COG5: variants seen among roughly 807,000 people sequenced by gnomAD.
COG5 encodes the protein conserved oligomeric Golgi complex subunit 5.
A neutral mutation model predicts 110.4 loss-of-function variants in COG5; 86 were observed. That is an observed-to-expected ratio of 0.78 (90% CI 0.65 to 0.93). The LOEUF (loss-of-function observed/expected upper bound fraction) is 0.93, where lower values mean the gene tolerates loss of function less well. Ranked by LOEUF, COG5 falls within the 40% of genes least tolerant of loss-of-function variation. The probability of loss-of-function intolerance (pLI) is 0.00; values close to 1 mark genes in which losing one functional copy is unlikely to be tolerated. For missense variants in COG5, 1,077 were observed against 987.0 expected (o/e 1.09, Z -1.22); for synonymous variants, 360 against 334.6 (o/e 1.08, Z -0.83).
intron 11 of COG5, among the ~76,000 whole-genome samples, chr7:107,308,106 T>G (rs945517825): frequency 3.9e-5 from 6 of 152,182 alleles, no homozygotes; most frequent in Non-Finnish European, 7.4e-5. Flanking sequence ...CATTTTATTC[T>G]TTTTCATTAT....
chr7:107,482,493 T>A (rs2129121612), intron 6 of COG5, among the ~76,000 whole-genome samples: 1 of 152,184 alleles, frequency 6.6e-6, no homozygotes, highest in East Asian at 1.9e-4. Flanking sequence ...TGCTGACGTT[T>A]AACAATTACT....
chr7:107,473,046 T>C (rs948942220), intron 6 of COG5: 6 of 151,794 alleles, frequency 4.0e-5, no homozygotes, highest in African/African-American at 1.4e-4. Context: ...TCTTCAAAAT[T>C]AGACAATGGG....
At chr7:107,410,315 C>G (rs942242177) in intron 7 of COG5, among the ~76,000 whole-genome samples, 3 of 152,082 alleles carry the variant, frequency 2.0e-5, no homozygotes, top group Non-Finnish European at 2.9e-5. Flanking sequence ...AGAGACACAT[C>G]TTTGATCAAT....
chr7:107,554,454 C>G (rs1213965679), intron 2 of COG5, 112 bp from the exon 3 acceptor site: 1 of 933,866 alleles, frequency 1.1e-6, no homozygotes, highest in African/African-American at 1.7e-5. Flanking sequence ...AATACAAATA[C>G]AAAAGAAAAA....
intron 6 of COG5, among the ~76,000 whole-genome samples, chr7:107,511,655 T>C (rs1799523831): frequency 6.6e-6 from 1 of 152,204 alleles, no homozygotes; most frequent in African/African-American, 2.4e-5. Context: ...AATACAATAC[T>C]GGCAAACCGA....
At chr7:107,294,953 A>C (rs1332317881) in intron 12 of COG5, among the ~76,000 whole-genome samples, 2 of 90,448 alleles carry the variant, frequency 2.2e-5, no homozygotes, top group Admixed American at 2.2e-4. Context: ...ACACACACAT[A>C]TATATATACA....
At position 107,474,552 on chromosome 7, in the gene COG5, T is replaced by C; in HGVS notation, c.538+52685A>G. On this transcript the variant is annotated intron_variant, in intron 6 of 21. Coordinates refer to ENST00000297135, the MANE Select transcript of COG5 (RefSeq NM_006348.5). This position sits in a 1 kb window ranked among gnomAD's most constrained non-coding sequence, Gnocchi z 5.7. ...GAGCTGTAATGTTAATGATATCCATTTGGATTTTTTCTTTTTTCTCTTTCC... is the reference window on the plus strand; with the variant it reads ...GAGCTGTAATGTTAATGATATCCATCTGGATTTTTTCTTTTTTCTCTTTCC... 1.2e-6 allele frequency: 2 copies of C among 1,611,140 alleles called. No homozygotes were observed. Among genetic ancestry groups the C allele is most frequent in the Non-Finnish European group, 1.7e-6 (2 of 1,178,470 alleles).
chr7:107,389,909 A>G (rs1191018559), intron 7 of COG5, among the ~76,000 whole-genome samples: 1 of 152,056 alleles, frequency 6.6e-6, no homozygotes, highest in African/African-American at 2.4e-5. Flanking sequence ...ATTCACAATC[A>G]CACTCATCAG....
At chr7:107,417,597 G>A (rs912216442) in intron 6 of COG5, among the ~76,000 whole-genome samples, 2 of 152,024 alleles carry the variant, frequency 1.3e-5, no homozygotes, top group African/African-American at 2.4e-5. Flanking sequence ...AAAGTAACAC[G>A]TTAGCTTCTT....
Position 107,442,336 on chromosome 7 carries a change from A to C in COG5, c.539-29704T>G, listed in dbSNP as rs146506094. ...AAGCAGAAGAATGTACAGCCTGCAG[A>C]ACCAGGAGCTAATTAAATCTCCTTA... On this transcript the variant is annotated intron_variant, in intron 6 of 21. Transcript: ENST00000297135. Among the ~76,000 whole-genome samples the C allele has an allele frequency of 7.2e-4, 109 of 152,304 alleles. 2 individuals carry two copies. In the East Asian group the frequency reaches 0.021, roughly 29 times the overall value.
chr7:107,409,777 G>A (rs952821610), intron 7 of COG5, among the ~76,000 whole-genome samples: 4 of 152,148 alleles, frequency 2.6e-5, no homozygotes, highest in Admixed American at 2.6e-4. Flanking sequence ...AATGAACTTT[G>A]CATGAAGTCA....
At chr7:107,295,072 T>C (rs1273330131) in intron 12 of COG5, among the ~76,000 whole-genome samples, 2,651 of 47,290 alleles carry the variant, frequency 0.056, 98 homozygotes, top group African/African-American at 0.2. Context: ...CACACATATA[T>C]ATATATATAT....
At chr7:107,398,398 GAGC>G (rs1391192138) in intron 7 of COG5, among the ~76,000 whole-genome samples, 1 of 152,308 alleles carries the variant, frequency 6.6e-6, no homozygotes, top group Middle Eastern at 3.4e-3. Flanking sequence ...GCAGGGCAGT[GAGC>G]ATTATAACCT....
At chr7:107,392,676 C>CAAAAA (rs60351972) in intron 7 of COG5, among the ~76,000 whole-genome samples, 1 of 136,932 alleles carries the variant, frequency 7.3e-6, no homozygotes, top group Non-Finnish European at 1.6e-5. Context: ...ATTGAAATAC[C>CAAAAA]AAAAAAAAAA....
chr7:107,320,946 C>T (rs1049291342), intron 11 of COG5, among the ~76,000 whole-genome samples: 1 of 152,126 alleles, frequency 6.6e-6, no homozygotes, highest in South Asian at 2.1e-4. Context: ...TCTTCTACAC[C>T]CCCACCTCCC....
intron 6 of COG5, among the ~76,000 whole-genome samples, chr7:107,498,307 G>C (rs963461135): frequency 1.3e-5 from 2 of 152,160 alleles, no homozygotes; most frequent in Non-Finnish European, 2.9e-5. Flanking sequence ...AAGAGGTTCT[G>C]CACAGCAAAG....
chr7:107,362,033 C>G lies in COG5; in HGVS notation c.1026G>C (p.Lys342Asn), dbSNP rs769921358. ...TAAAAATATTTTCCTTTAAACATAC[C>G]TTAACTATTTCTTCAATGAAACAAA... ...SHICFIEEIV[K>N]DGQPEIFYTF... is the part of the protein sequence containing the mutation. Residue 342 changes from lysine (K) to asparagine (N), a missense_variant and splice_region_variant, in exon 10 of 22, where the codon AAG (lysine) becomes AAC (asparagine). Physicochemically the swap from Lys to Asn is moderately conservative, Grantham distance 94 (BLOSUM62 0). Transcript: ENST00000297135. 1 of 1,587,798 alleles carries G rather than the reference C, an allele frequency of 6.3e-7. No individual in the cohort carries two copies. The highest frequency in any genetic ancestry group is 8.6e-7 in the Non-Finnish European group (1 of 1,158,268).
At chr7:107,563,636 T>C (rs1804182794) in intron 1 of COG5, 167 bp downstream of exon 1, 4 of 730,946 alleles carry the variant, frequency 5.5e-6, no homozygotes, top group East Asian at 2.8e-5. Context: ...CCAGAGTAAA[T>C]AGGTTGGCTA....
intron 7 of COG5, among the ~76,000 whole-genome samples, chr7:107,392,387 T>C (rs1790683231): frequency 6.6e-6 from 1 of 152,172 alleles, no homozygotes; most frequent in African/African-American, 2.4e-5. Flanking sequence ...TTGCTATCAT[T>C]TCCTAAAGAC....
Sources: gnomAD v4.1 joint callset for allele counts (sites outside exome capture counted in the v4.1 genomes callset) on GRCh38, gnomAD v4.1.1 for gene constraint, Gnocchi (gnomAD v3.1) non-coding constraint, MANE v1.5 for transcripts, NCBI Gene and HGNC (gene_info 2026-07-23, HGNC 2026-07-21) for gene names.